Variants in CSMD1 observed in about 807,000 individuals in gnomAD.
CSMD1 encodes CUB and sushi domain-containing protein 1.
Under a neutral mutation model 417.5 loss-of-function variants are expected in CSMD1, and 213 were observed. The ratio of observed to expected loss-of-function variants is 0.51; its 90% CI spans 0.46 to 0.57. The LOEUF (loss-of-function observed/expected upper bound fraction) is 0.57. CSMD1 is among the 20% of genes least tolerant of loss of function. CSMD1 has a pLI of 0.00. For missense variants in CSMD1, 6,923 were observed against 4,529.7 expected (o/e 1.53, Z -15.17); for synonymous variants, 2,862 against 1,736.8 (o/e 1.65, Z -16.11).
intron 10 of CSMD1, among the ~76,000 whole-genome samples, chr8:3,543,986 G>A (rs1051012612): frequency 1.3e-5 from 2 of 152,148 alleles, no homozygotes; most frequent in Non-Finnish European, 2.9e-5. Context: ...AGTCAGATAG[G>A]AAGGGGATCA....
At chr8:4,156,661 T>G (rs1232937592) in intron 3 of CSMD1, among the ~76,000 whole-genome samples, 2 of 152,152 alleles carry the variant, frequency 1.3e-5, no homozygotes, top group Non-Finnish European at 2.9e-5. Context: ...ACCCATCTGC[T>G]TGTGATTTAA....
At chr8:3,581,028 G>A (rs999636936) in intron 9 of CSMD1, among the ~76,000 whole-genome samples, 1 of 152,108 alleles carries the variant, frequency 6.6e-6, no homozygotes, top group Non-Finnish European at 1.5e-5. Context: ...GTTACAACTG[G>A]CAATAATACT....
At chr8:4,287,214 T>C (rs1585162144) in intron 3 of CSMD1, among the ~76,000 whole-genome samples, 1 of 152,238 alleles carries the variant, frequency 6.6e-6, no homozygotes, top group South Asian at 2.1e-4. Context: ...GCTAATTAGA[T>C]ATCTTGCCTC....
At chr8:4,197,541 A>C (rs7837656) in intron 3 of CSMD1, among the ~76,000 whole-genome samples, 1 of 152,066 alleles carries the variant, frequency 6.6e-6, no homozygotes, top group African/African-American at 2.4e-5. Context: ...TGGTCTTCCA[A>C]CTAAAACACT....
chr8:4,459,023 T>A lies in CSMD1; in HGVS notation c.303-38958A>T, dbSNP rs148289811. ...GTGCAGCTTGGGCCACAGCCTGCTT[T>A]CTTCCCCTTATCTCCAATCTAGGTG... On this transcript the variant is annotated intron_variant, in intron 2 of 69. Coordinates refer to ENST00000635120, the MANE Select transcript of CSMD1 (RefSeq NM_033225.6). 1.4e-4 allele frequency among the ~76,000 whole-genome samples: 22 copies of A among 152,328 alleles called. 1 individual carries two copies. Among genetic ancestry groups the A allele is most frequent in the African/African-American group, 5.1e-4 (21 of 41,582 alleles).
chr8:4,019,133 G>T (rs193092658), intron 4 of CSMD1, among the ~76,000 whole-genome samples: 2 of 152,098 alleles, frequency 1.3e-5, no homozygotes, highest in South Asian at 2.1e-4. Flanking sequence ...CCATGGTATC[G>T]TAAGACTTAA....
intron 4 of CSMD1, among the ~76,000 whole-genome samples, chr8:4,015,892 C>A (rs577577357): frequency 4.1e-4 from 62 of 152,150 alleles, no homozygotes; most frequent in African/African-American, 1.3e-3. Context: ...TGCTTCCAAG[C>A]AAAACAGAAA....
intron 5 of CSMD1, among the ~76,000 whole-genome samples, chr8:3,960,944 A>T (rs1812283834): frequency 6.6e-6 from 1 of 152,020 alleles, no homozygotes. Flanking sequence ...AATGGATAAT[A>T]CTATCCTCTT....
At chr8:3,400,874 T>C (rs1241978384) in intron 15 of CSMD1, among the ~76,000 whole-genome samples, 1 of 151,350 alleles carries the variant, frequency 6.6e-6, no homozygotes, top group Non-Finnish European at 1.5e-5. Flanking sequence ...TATTCTGTAG[T>C]TTAAAAATAT....
At chr8:4,409,882 T>C (rs1172707319) in intron 3 of CSMD1, among the ~76,000 whole-genome samples, 3 of 152,034 alleles carry the variant, frequency 2.0e-5, no homozygotes, top group Admixed American at 6.6e-5. Context: ...GGTGCAATCT[T>C]GGCTCACTGC....
intron 3 of CSMD1, among the ~76,000 whole-genome samples, chr8:4,121,953 T>A (rs1316337479): frequency 6.6e-6 from 1 of 152,082 alleles, no homozygotes. Context: ...GATTAGTGAA[T>A]TTAAATTTTA....
At chr8:3,075,978 G>C (rs533273335) in intron 49 of CSMD1, among the ~76,000 whole-genome samples, 1 of 151,582 alleles carries the variant, frequency 6.6e-6, no homozygotes, top group African/African-American at 2.4e-5. Context: ...ATGAACCTGG[G>C]AGGCGCAGCT....
At chr8:4,647,235 ATTTTT>A (rs34641878) in intron 1 of CSMD1, among the ~76,000 whole-genome samples, 2 of 140,012 alleles carry the variant, frequency 1.4e-5, no homozygotes, top group Non-Finnish European at 3.1e-5. Flanking sequence ...TGCTGTTTCT[ATTTTT>A]TTTTTTTTTT....
At chr8:4,643,524 A>T (rs1291440741) in intron 1 of CSMD1, among the ~76,000 whole-genome samples, 3 of 152,136 alleles carry the variant, frequency 2.0e-5, no homozygotes, top group African/African-American at 7.2e-5. Context: ...ACATAAAATA[A>T]AGAAAAAATA....
intron 1 of CSMD1, among the ~76,000 whole-genome samples, chr8:4,926,090 T>G (rs1428134358): frequency 1.3e-5 from 2 of 152,236 alleles, no homozygotes. Flanking sequence ...TTCTTTTGAA[T>G]TGTTTTTATT....
chr8:4,145,187 C>T (rs556028540), intron 3 of CSMD1, among the ~76,000 whole-genome samples: 1 of 151,120 alleles, frequency 6.6e-6, no homozygotes, highest in Admixed American at 6.5e-5. Context: ...TACTAAAACA[C>T]TAGTACGTGT....
chr8:3,922,103 T>C (rs1333613170), intron 5 of CSMD1, among the ~76,000 whole-genome samples: 1 of 151,708 alleles, frequency 6.6e-6, no homozygotes, highest in African/African-American at 2.4e-5. Flanking sequence ...TTTTCATGAA[T>C]TGACCCCTTT....
At chr8:3,989,276 G>A (rs1395660588) in intron 5 of CSMD1, among the ~76,000 whole-genome samples, 1 of 152,156 alleles carries the variant, frequency 6.6e-6, no homozygotes, top group Non-Finnish European at 1.5e-5. Flanking sequence ...ATCAAGCTCA[G>A]AAGTCATAAA....
intron 3 of CSMD1, among the ~76,000 whole-genome samples, chr8:4,342,272 G>C (rs1276698494): frequency 2.8e-5 from 4 of 145,008 alleles, no homozygotes; most frequent in Non-Finnish European, 4.7e-5. Flanking sequence ...TGTGTGTAGA[G>C]GGATATTTAA....
Sources: gnomAD v4.1 joint callset for allele counts (sites outside exome capture counted in the v4.1 genomes callset) on GRCh38, gnomAD v4.1.1 for gene constraint, MANE v1.5 for transcripts, NCBI Gene and HGNC (gene_info 2026-07-23, HGNC 2026-07-21) for gene names.